HNRNPAB: variants seen among roughly 807,000 people sequenced by gnomAD.
HNRNPAB encodes the protein heterogeneous nuclear ribonucleoprotein A/B.
In HNRNPAB, 17 loss-of-function variants were observed where a neutral mutation model predicts 44.1. The ratio of observed to expected loss-of-function variants is 0.39; its 90% CI spans 0.26 to 0.58. HNRNPAB has a LOEUF of 0.58. Among genes scored for constraint, HNRNPAB ranks in the 20% least tolerant of loss-of-function variants. The pLI, the probability that HNRNPAB is intolerant of heterozygous loss-of-function variation, is 0.63. For missense variants in HNRNPAB, 393 were observed against 432.7 expected (o/e 0.91, Z 0.81); for synonymous variants, 183 against 167.6 (o/e 1.09, Z -0.71).
intron 3 of HNRNPAB, among the ~76,000 whole-genome samples, chr5:178,206,469 C>G (rs1474339077): frequency 6.6e-6 from 1 of 152,202 alleles, no homozygotes. Flanking sequence ...TGCTTCGCTT[C>G]TGGAGATGGG....
At chr5:178,208,692 C>G (rs918915227) in intron 5 of HNRNPAB, 1 of 152,354 alleles carries the variant, frequency 6.6e-6, no homozygotes, top group Non-Finnish European at 1.5e-5. Context: ...GTATCCCACC[C>G]TACCCCATTC....
At chr5:178,209,574 C>A (rs112520839) in intron 6 of HNRNPAB, 127 bp downstream of exon 6, 5 of 761,014 alleles carry the variant, frequency 6.6e-6, no homozygotes, top group Non-Finnish European at 1.1e-5. Flanking sequence ...TGGGGACGAA[C>A]AGGAATAGGA....
chr5:178,208,528 G>A (rs1475179274), intron 5 of HNRNPAB: 2 of 152,168 alleles, frequency 1.3e-5, no homozygotes, highest in East Asian at 1.9e-4. Context: ...AATTTAGTAG[G>A]ATAGAATATA....
chr5:178,208,837 C>T (rs1034261646), intron 5 of HNRNPAB: 1 of 153,410 alleles, frequency 6.5e-6, no homozygotes, highest in African/African-American at 2.4e-5. Flanking sequence ...CCCTGAGCCT[C>T]TGAAAGCTGA....
chr5:178,209,550 A>T, intron 6 of HNRNPAB, 103 bp downstream of exon 6: 1 of 961,124 alleles, frequency 1.0e-6, no homozygotes, highest in Non-Finnish European at 1.6e-6. Flanking sequence ...AGGGGTGGGC[A>T]GATTGTGTGA....
chr5:178,209,544 G>A (rs1381468560), intron 6 of HNRNPAB, 97 bp downstream of exon 6: 2 of 1,054,752 alleles, frequency 1.9e-6, no homozygotes, highest in African/African-American at 1.6e-5. Flanking sequence ...TGCAGCAGGG[G>A]TGGGCAGATT....
intron 2 of HNRNPAB, chr5:178,205,599 C>G (rs947057330): frequency 2.1e-6 from 1 of 475,306 alleles, no homozygotes; most frequent in African/African-American, 1.9e-5. Flanking sequence ...TCCCATACCC[C>G]TGGTGAGGTG....
rs200727680 is a variant in HNRNPAB, at chr5:178,206,692, C to T, written c.379-40C>T. 2.6e-5 allele frequency: 42 copies of T among 1,600,844 alleles called. No individual in the cohort carries two copies. The East Asian group carries it at 5.8e-4, about 22-fold the overall frequency. On this transcript the variant is annotated intron_variant, in intron 3 of 7. Transcript: ENST00000358344. The stretch of plus-strand genomic sequence containing the variant: ...TTAGAGAGAAGGGCCTTGTCTGGCT[C>T]GTGCTGCTGAGTCAGCCTGACCCCT...
At chr5:178,209,761 A>T (rs1757616723) in intron 6 of HNRNPAB, among the ~76,000 whole-genome samples, 1 of 152,118 alleles carries the variant, frequency 6.6e-6, no homozygotes. Flanking sequence ...GGTAGGCAGA[A>T]GGGTGGGTAG....
In HNRNPAB at chr5:178,205,740, G is replaced by C. The variant is rs967408491; in HGVS notation, c.210-102G>C. ...TAAGGTGCTCCTTGCAGACTCTAAG[G>C]GTAGCTGTAGACTTCGTGAGAACTT... On this transcript the variant is annotated intron_variant, in intron 2 of 7. Coordinates refer to ENST00000358344, the MANE Select transcript of HNRNPAB (RefSeq NM_031266.3). The C allele has an allele frequency of 6.5e-6, 7 of 1,076,820 alleles. No individual in the cohort carries two copies. The African/African-American group carries it at 1.1e-4, about 17-fold the overall frequency. The allele number at this position is 1,076,820 out of a possible 1,614,324, so 66.7% of individuals were successfully genotyped here.
At chr5:178,210,438 G>T in intron 7 of HNRNPAB, 115 bp from the exon 8 acceptor site, 2 of 1,510,760 alleles carry the variant, frequency 1.3e-6, no homozygotes, top group Non-Finnish European at 1.8e-6. Context: ...AATAACATGA[G>T]GAAGGCAGTC....
At chr5:178,206,974 C>T in intron 4 of HNRNPAB, 84 bp downstream of exon 4, 1 of 1,588,580 alleles carries the variant, frequency 6.3e-7, no homozygotes, top group Non-Finnish European at 8.6e-7. Context: ...CTGGCTAGAC[C>T]CTCCCAGGCA....
At chr5:178,209,541 G>A (rs1757530182) in intron 6 of HNRNPAB, 94 bp downstream of exon 6, 1 of 1,073,074 alleles carries the variant, frequency 9.3e-7, no homozygotes, top group Non-Finnish European at 1.4e-6. Context: ...CTGTGCAGCA[G>A]GGGTGGGCAG....
rs1227282097 is a variant in HNRNPAB, at chr5:178,210,583, A to G, written c.959A>G (p.Gln320Arg). 1 of 1,614,196 alleles carries G rather than the reference A, an allele frequency of 6.2e-7. No individual in the cohort carries two copies. Among genetic ancestry groups the G allele is most frequent in the Admixed American group, 1.7e-5 (1 of 60,022 alleles). The change falls in exon 8 of 8, where the codon CAG (glutamine) becomes CGG (arginine). Residue 320 changes from glutamine (Q) to arginine (R), a missense_variant. By Grantham distance (43) the Gln-to-Arg change is conservative. Around this residue, in one of 3 missense-constraint regions of HNRNPAB, gnomAD observed 210 missense variants for 196.9 expected, o/e 1.07. Coordinates refer to ENST00000358344, the MANE Select transcript of HNRNPAB (RefSeq NM_031266.3). Reference sequence around the variant, plus strand: ...GGTAGTACAAACTACGGCAAGAGCCAGCGACGTGGTGGCCATCAGAATAAC... The same window carrying G: ...GGTAGTACAAACTACGGCAAGAGCCGGCGACGTGGTGGCCATCAGAATAAC... ...SQGSTNYGKS[Q>R]RRGGHQNNYK...
chr5:178,210,568 A>G lies in HNRNPAB; in HGVS notation c.944A>G (p.Asn315Ser). 1 of 1,614,164 alleles carries G rather than the reference A, an allele frequency of 6.2e-7. No homozygotes were observed. Among genetic ancestry groups the G allele is most frequent in the Non-Finnish European group, 8.5e-7 (1 of 1,179,986 alleles). The change falls in exon 8 of 8, where the codon AAC (asparagine) becomes AGC (serine). Residue 315 changes from asparagine to serine, a missense_variant. Physicochemically the swap from Asn to Ser is conservative, Grantham distance 46 (BLOSUM62 1). Coordinates refer to ENST00000358344, the MANE Select transcript of HNRNPAB (RefSeq NM_031266.3). ...TCGTCCCTAGGTCAGGGTAGTACAA[A>G]CTACGGCAAGAGCCAGCGACGTGGT... ...PGYDYSQGST[N>S]YGKSQRRGGH...
At position 178,210,736 on chromosome 5, in the gene HNRNPAB, C is replaced by T. The variant is rs1026785910; in HGVS notation, c.*113C>T. 1.3e-6 allele frequency: 1 copy of T among 793,504 alleles called. No homozygotes were observed. The highest frequency in any genetic ancestry group is 2.2e-6 in the Non-Finnish European group (1 of 461,766). 49.2% of individuals were successfully genotyped at this position (793,504 alleles called of 1,614,324 possible). A position where few individuals can be genotyped will look rare whatever the true frequency, so the allele number is the denominator to read the frequency against. ...AACTTTCTATTGCCTGTCCCATGTG[C>T]ATCTTATTTAAAATTTCCCCCATGG... On this transcript the variant is annotated 3_prime_UTR_variant, in exon 8 of 8. Coordinates refer to ENST00000358344, the MANE Select transcript of HNRNPAB (RefSeq NM_031266.3).
At position 178,211,080 on chromosome 5, in the gene HNRNPAB, G is replaced by T; in HGVS notation, c.*457G>T. 1 of 172,456 alleles carries T rather than the reference G, an allele frequency of 5.8e-6. No homozygotes were observed. Among genetic ancestry groups the T allele is most frequent in the Non-Finnish European group, 1.2e-5 (1 of 80,320 alleles). The allele number at this position is 172,456 out of a possible 1,614,324, so 10.7% of individuals were successfully genotyped here. On this transcript the variant is annotated 3_prime_UTR_variant, in exon 8 of 8. Coordinates refer to ENST00000358344, the MANE Select transcript of HNRNPAB (RefSeq NM_031266.3). ...CTTTTGGGAATCTAATGTATTGTAA[G>T]GTATTTTACACGTGTCCTGATTTTG... is the stretch of plus-strand genomic sequence containing the variant.
In HNRNPAB at chr5:178,205,369, G is replaced by C. The variant is rs1052202481; in HGVS notation, c.209+323G>C. Among the ~76,000 whole-genome samples the C allele has an allele frequency of 2.0e-4, 30 of 152,026 alleles. No homozygotes were observed. The South Asian group carries it at 6.2e-3, about 31-fold the overall frequency. ...CGGACCCGGGGCCCGGCGGCGTCTT[G>C]GGCCGCGCCGGCGGCTGCGTGGGCG... On this transcript the variant is annotated intron_variant, in intron 2 of 7. Transcript: ENST00000358344.
At chr5:178,206,920 G>A (rs750186641) in intron 4 of HNRNPAB, 30 bp downstream of exon 4, 5 of 1,612,554 alleles carry the variant, frequency 3.1e-6, no homozygotes, top group South Asian at 2.2e-5. Context: ...TAGCCCATCA[G>A]CTGCCCCTAA....
Sources: gnomAD v4.1 joint callset for allele counts (sites outside exome capture counted in the v4.1 genomes callset) on GRCh38, gnomAD v4.1.1 for gene constraint, gnomAD v4.1.1 regional missense constraint, MANE v1.5 for transcripts, NCBI Gene and HGNC (gene_info 2026-07-23, HGNC 2026-07-21) for gene names.